The following B3GNT2 variants were observed in gnomAD, a reference collection of about 807,000 sequenced individuals.
B3GNT2 encodes UDP-GlcNAc:betaGal beta-1,3-N-acetylglucosaminyltransferase 2, also known as N-acetyllactosaminide beta-1,3-N-acetylglucosaminyltransferase 2.
In B3GNT2, 12 loss-of-function variants were observed where a neutral mutation model predicts 27.6. The observed-to-expected ratio is 0.44, with a 90% CI of 0.28 to 0.71. The LOEUF (loss-of-function observed/expected upper bound fraction) is 0.71. B3GNT2 is among the 30% of genes least tolerant of loss of function. The pLI is 0.17. For missense variants in B3GNT2, 413 were observed against 488.5 expected, an observed-to-expected ratio of 0.85 and a Z score of 1.46; for synonymous variants, 192 against 189.7, an observed-to-expected ratio of 1.01 and a Z score of -0.10.
At chr2:62,221,880 C>G (rs1674702413) in intron 1 of B3GNT2, 1 of 536,074 alleles carries the variant, frequency 1.9e-6, no homozygotes, top group Non-Finnish European at 3.7e-6. Context: ...ATAGGTATTT[C>G]TAGCTTCAGC....
Position 62,212,497 on chromosome 2 carries a change from A to C in B3GNT2, c.-9-9715A>C, listed in dbSNP as rs145504800. ...ACATTGACGTGGTAAGCTCCTATGGAGGGAGGCCTCTTCACTCTGGTCCAG... is the reference window on the plus strand; with the variant it reads ...ACATTGACGTGGTAAGCTCCTATGGCGGGAGGCCTCTTCACTCTGGTCCAG... On this transcript the variant is annotated intron_variant, in intron 1 of 1. Coordinates refer to ENST00000301998, the MANE Select transcript of B3GNT2 (RefSeq NM_006577.6). Among the ~76,000 whole-genome samples, 995 of 151,796 alleles carry C rather than the reference A, an allele frequency of 6.6e-3. 8 individuals are homozygous for C. The highest frequency in any genetic ancestry group is 0.051 in the Middle Eastern group (15 of 294).
intron 1 of B3GNT2, among the ~76,000 whole-genome samples, chr2:62,198,320 G>T (rs1265318847): frequency 2.0e-5 from 3 of 152,202 alleles, no homozygotes; most frequent in Non-Finnish European, 4.4e-5. Flanking sequence ...GGGGATGGTG[G>T]TGTTTGCTCT....
chr2:62,211,091 C>T (rs1468543563), intron 1 of B3GNT2, among the ~76,000 whole-genome samples: 2 of 152,122 alleles, frequency 1.3e-5, no homozygotes, highest in African/African-American at 2.4e-5. Flanking sequence ...TGGGGTGGCT[C>T]GTGCCTGTAA....
At chr2:62,214,033 C>T in intron 1 of B3GNT2, among the ~76,000 whole-genome samples, 1 of 152,166 alleles carries the variant, frequency 6.6e-6, no homozygotes, top group East Asian at 1.9e-4. Context: ...GATACCCTGA[C>T]TCCTGGGCAA....
At chr2:62,212,267 C>T (rs2104200358) in intron 1 of B3GNT2, among the ~76,000 whole-genome samples, 1 of 152,304 alleles carries the variant, frequency 6.6e-6, no homozygotes, top group Middle Eastern at 3.4e-3. Flanking sequence ...TCTCCAGCAT[C>T]TGTTGCTCTG....
At position 62,221,020 on chromosome 2, in the gene B3GNT2, T is replaced by A. The variant is rs546991897; in HGVS notation, c.-9-1192T>A. Among the ~76,000 whole-genome samples, 81 of 152,348 alleles carry A rather than the reference T, an allele frequency of 5.3e-4. 1 individual carries two copies. Among genetic ancestry groups the A allele is most frequent in the African/African-American group, 1.8e-3 (75 of 41,572 alleles). On this transcript the variant is annotated intron_variant, in intron 1 of 1. Transcript: ENST00000301998. ...TTAAATATACACTTCAGGTTTGACA[T>A]ATGCATACATCCGTGGAGCCTTCAT...
intron 1 of B3GNT2, among the ~76,000 whole-genome samples, chr2:62,198,767 T>C (rs933076006): frequency 6.6e-6 from 1 of 152,098 alleles, no homozygotes; most frequent in Non-Finnish European, 1.5e-5. Context: ...TAATTCATAG[T>C]TGATTTTGAC....
rs114714734 is a variant in B3GNT2, at chr2:62,212,510, C to T, written c.-9-9702C>T. The stretch of plus-strand genomic sequence containing the variant: ...AAGCTCCTATGGAGGGAGGCCTCTT[C>T]ACTCTGGTCCAGCAGCACCTGATGA... On this transcript the variant is annotated intron_variant, in intron 1 of 1. Transcript: ENST00000301998. Among the ~76,000 whole-genome samples, 357 of 152,052 alleles carry T rather than the reference C, an allele frequency of 2.3e-3. 3 individuals are homozygous for T. The highest frequency in any genetic ancestry group is 7.3e-3 in the African/African-American group (303 of 41,456).
chr2:62,196,879 C>G (rs190602177), intron 1 of B3GNT2, among the ~76,000 whole-genome samples: 1 of 152,070 alleles, frequency 6.6e-6, no homozygotes, highest in Non-Finnish European at 1.5e-5. Context: ...GCCGGCCTCC[C>G]GTGCCGCATG....
chr2:62,204,853 G>A (rs746923491), intron 1 of B3GNT2, among the ~76,000 whole-genome samples: 31 of 152,162 alleles, frequency 2.0e-4, no homozygotes, highest in Non-Finnish European at 3.2e-4. Flanking sequence ...CAGATACAGA[G>A]AATGGTATCA....
rs905989925 is a variant in B3GNT2, at chr2:62,222,068, G to A, written c.-9-144G>A. The A allele has an allele frequency of 2.6e-5, 19 of 729,148 alleles. No homozygotes were observed. Among genetic ancestry groups the A allele is most frequent in the African/African-American group, 2.1e-4 (12 of 56,002 alleles). 45.2% of individuals were successfully genotyped at this position (729,148 alleles called of 1,614,324 possible). On this transcript the variant is annotated intron_variant, in intron 1 of 1. Transcript: ENST00000301998. The surrounding 1 kb of genome is among the most constrained non-coding windows in gnomAD (Gnocchi z 4.2). ...TGCCCATGATCACAAAGCTAGAAAG[G>A]AAGGGCCAAGATTTGAACCTAGGCA...
In B3GNT2 at chr2:62,215,127, C is replaced by T. The variant is rs1180620379; in HGVS notation, c.-9-7085C>T. On this transcript the variant is annotated intron_variant, in intron 1 of 1. Transcript: ENST00000301998. ...TAATCAGTGGGGGCCAGAATATGTC[C>T]TGCCAGATGCTTTGATCTATAATGT... Among the ~76,000 whole-genome samples, 3 of 152,166 alleles carry T rather than the reference C, an allele frequency of 2.0e-5. No individual in the cohort carries two copies. The South Asian group carries it at 6.2e-4, about 32-fold the overall frequency.
At chr2:62,199,993 T>C (rs62148376) in intron 1 of B3GNT2, among the ~76,000 whole-genome samples, 24,327 of 152,218 alleles carry the variant, frequency 0.16, 2,155 homozygotes, top group Admixed American at 0.28. Context: ...GGAGAATTTA[T>C]TATTAGGGCT....
At chr2:62,200,968 T>G (rs1287973520) in intron 1 of B3GNT2, among the ~76,000 whole-genome samples, 1 of 152,226 alleles carries the variant, frequency 6.6e-6, no homozygotes, top group Non-Finnish European at 1.5e-5. Flanking sequence ...AGGATAAATT[T>G]TCTCACTTGT....
At position 62,223,204 on chromosome 2, in the gene B3GNT2, C is replaced by G; in HGVS notation, c.984C>G (p.Leu328=). Residue 328 remains leucine, a synonymous_variant, in exon 2 of 2, where the codon CTC becomes CTG. Coordinates refer to ENST00000301998, the MANE Select transcript of B3GNT2 (RefSeq NM_006577.6). The part of the protein sequence containing the change: ...RLYHITDQVH[L]YPIDDVYTGM... ...ACCATATCACTGACCAGGTCCATCT[C>G]TACCCCATTGATGACGTTTATACTG... 1 of 1,614,242 alleles carries G rather than the reference C, an allele frequency of 6.2e-7. No homozygotes were observed. The highest frequency in any genetic ancestry group is 1.3e-5 in the African/African-American group (1 of 75,072).
intron 1 of B3GNT2, among the ~76,000 whole-genome samples, chr2:62,211,656 G>A (rs1303897074): frequency 6.6e-6 from 1 of 152,184 alleles, no homozygotes; most frequent in African/African-American, 2.4e-5. Flanking sequence ...CAGCATTTGT[G>A]AAGCAGCCAC....
Position 62,224,070 on chromosome 2 carries a change from G to A in B3GNT2, c.*656G>A, listed in dbSNP as rs1674778304. 1 of 167,038 alleles carries A rather than the reference G, an allele frequency of 6.0e-6. No individual in the cohort carries two copies. The highest frequency in any genetic ancestry group is 1.5e-5 in the Non-Finnish European group (1 of 68,100). 10.3% of individuals were successfully genotyped at this position (167,038 alleles called of 1,614,324 possible). A position where few individuals can be genotyped will look rare whatever the true frequency, so the allele number is the denominator to read the frequency against. ...GTTATGGTCATAATAAGGAGAAAGA[G>A]GGTTTAATTTTTCTTGTATTTGGTT... On this transcript the variant is annotated 3_prime_UTR_variant, in exon 2 of 2. Transcript: ENST00000301998.
At chr2:62,197,236 C>A (rs1331171280) in intron 1 of B3GNT2, among the ~76,000 whole-genome samples, 1 of 151,988 alleles carries the variant, frequency 6.6e-6, no homozygotes, top group East Asian at 1.9e-4. Context: ...TACTCCAGCA[C>A]GGCAGGCGGA....
Position 62,223,198 on chromosome 2 carries a change from C to T in B3GNT2, c.978C>T (p.Val326=), listed in dbSNP as rs756254884. Residue 326 remains valine (V), a synonymous_variant, in exon 2 of 2, where the codon GTC becomes GTT. Coordinates refer to ENST00000301998, the MANE Select transcript of B3GNT2 (RefSeq NM_006577.6). The part of the protein sequence containing the change: ...ALRLYHITDQ[V]HLYPIDDVYT... ...GGCTGTACCATATCACTGACCAGGT[C>T]CATCTCTACCCCATTGATGACGTTT... The T allele has an allele frequency of 6.2e-7, 1 of 1,614,198 alleles. No homozygotes were observed. Among genetic ancestry groups the T allele is most frequent in the Admixed American group, 1.7e-5 (1 of 60,022 alleles).
Sources: gnomAD v4.1 joint callset for allele counts (sites outside exome capture counted in the v4.1 genomes callset) on GRCh38, gnomAD v4.1.1 for gene constraint, Gnocchi (gnomAD v3.1) non-coding constraint, MANE v1.5 for transcripts, NCBI Gene and HGNC (gene_info 2026-07-23, HGNC 2026-07-21) for gene names.